Variants in OR51B5 observed in about 807,000 individuals in gnomAD.
The protein encoded by OR51B5 is olfactory receptor 51B5.
For synonymous variants in OR51B5, 186 were observed against 144.8 expected (o/e 1.28, Z -2.04); for missense variants, 456 against 374.6 (o/e 1.22, Z -1.79).
Position 5,368,745 on chromosome 11 carries a change from T to C in OR51B5, n.85-21835A>G, listed in dbSNP as rs978807872. 9.9e-5 allele frequency among the ~76,000 whole-genome samples: 15 copies of C among 152,186 alleles called. 1 individual carries two copies. Among genetic ancestry groups the C allele is most frequent in the Admixed American group, 8.5e-4 (13 of 15,276 alleles). ...AAACATTGAGTTACTCAAAATATTA[T>C]GCTTTAAAACTGAAGGAAGCAAAAC... On this transcript the variant is annotated intron_variant and non_coding_transcript_variant, in intron 1 of 4. Transcript: ENST00000415970.
chr11:5,390,285 C>T (rs1299068544), intron 1 of OR51B5: 2 of 1,613,836 alleles, frequency 1.2e-6, no homozygotes, highest in African/African-American at 1.3e-5. Context: ...CTTTTTGTGC[C>T]TCCCATGCTT....
intron 1 of OR51B5, chr11:5,453,150 C>G (rs2030091): frequency 0.79 from 140,761 of 178,922 alleles, 55,552 homozygotes; most frequent in Admixed American, 0.81. Context: ...TCTATTGAAT[C>G]ATGCCTCCAA....
At chr11:5,375,100 A>T (rs373338809) in intron 1 of OR51B5, among the ~76,000 whole-genome samples, 198 of 150,212 alleles carry the variant, frequency 1.3e-3, no homozygotes, top group African/African-American at 4.6e-3. Context: ...CGGGTTACCC[A>T]CAAAGGGAAG....
At chr11:5,396,185 C>T (rs1849867615) in intron 1 of OR51B5, among the ~76,000 whole-genome samples, 1 of 152,248 alleles carries the variant, frequency 6.6e-6, no homozygotes, top group Non-Finnish European at 1.5e-5. Context: ...TCTCTCACCA[C>T]TCCTATTCAA....
intron 1 of OR51B5, among the ~76,000 whole-genome samples, chr11:5,426,831 A>G (rs1850457901): frequency 6.6e-6 from 1 of 152,192 alleles, no homozygotes; most frequent in Admixed American, 6.5e-5. Context: ...ATTATCTTAA[A>G]ACTCCTTTTC....
intron 1 of OR51B5, among the ~76,000 whole-genome samples, chr11:5,385,194 G>T (rs1458953769): frequency 6.6e-5 from 10 of 152,090 alleles, no homozygotes; most frequent in Non-Finnish European, 1.0e-4. Flanking sequence ...GCTCTGAGTG[G>T]ACTCCTCCAT....
chr11:5,351,056 T>A (rs1238929561), intron 1 of OR51B5, among the ~76,000 whole-genome samples: 1 of 152,226 alleles, frequency 6.6e-6, no homozygotes, highest in Non-Finnish European at 1.5e-5. Flanking sequence ...TCTACTGATC[T>A]TTTAGGTCTC....
chr11:5,419,802 A>G (rs896676545), intron 1 of OR51B5, among the ~76,000 whole-genome samples: 5 of 152,048 alleles, frequency 3.3e-5, no homozygotes, highest in African/African-American at 1.2e-4. Flanking sequence ...AATGGGCATG[A>G]TAATAGCTCC....
chr11:5,462,787 G>T (rs1440624704), intron 1 of OR51B5, among the ~76,000 whole-genome samples: 7 of 152,156 alleles, frequency 4.6e-5, no homozygotes, highest in Non-Finnish European at 8.8e-5. Flanking sequence ...CTACTTGTAG[G>T]TGCTTGTACA....
intron 1 of OR51B5, chr11:5,422,671 G>C (rs774266998): frequency 8.1e-6 from 13 of 1,613,986 alleles, no homozygotes; most frequent in Non-Finnish European, 1.0e-5. Flanking sequence ...GTGTTCTGGC[G>C]GTTCTTCCCT....
intron 1 of OR51B5, among the ~76,000 whole-genome samples, chr11:5,464,618 A>G (rs1010848121): frequency 1.3e-5 from 2 of 151,878 alleles, no homozygotes; most frequent in African/African-American, 4.8e-5. Context: ...ACATGAACTC[A>G]TCATTTTTTA....
intron 1 of OR51B5, among the ~76,000 whole-genome samples, chr11:5,433,779 C>G (rs1850561568): frequency 1.3e-5 from 2 of 151,906 alleles, no homozygotes; most frequent in African/African-American, 4.8e-5. Context: ...CTGCAATGAG[C>G]TATGATTGCA....
chr11:5,342,435 T>TA (rs1848909661), downstream of OR51B5: 3 of 961,216 alleles, frequency 3.1e-6, no homozygotes, highest in South Asian at 2.1e-5. Context: ...GAGTTGGGCT[T>TA]AAAGAGATAC....
At chr11:5,358,411 TTGACAC>T (rs1849227571) in intron 1 of OR51B5, among the ~76,000 whole-genome samples, 1 of 152,176 alleles carries the variant, frequency 6.6e-6, no homozygotes, top group Non-Finnish European at 1.5e-5. Context: ...GATAAATTCC[TTGACAC>T]ATACACCCTC....
At chr11:5,441,495 G>A in intron 1 of OR51B5, 2 of 1,611,876 alleles carry the variant, frequency 1.2e-6, no homozygotes, top group Non-Finnish European at 1.7e-6. Flanking sequence ...CTGGAAGGGG[G>A]TGCCATTGAG....
At chr11:5,480,419 T>C (rs1174260904) in intron 1 of OR51B5, among the ~76,000 whole-genome samples, 3 of 151,258 alleles carry the variant, frequency 2.0e-5, no homozygotes, top group African/African-American at 7.3e-5. Context: ...AGATCCAAAA[T>C]TGACACCCTA....
At chr11:5,372,039 C>G (rs2647611) in intron 1 of OR51B5, among the ~76,000 whole-genome samples, 1 of 151,900 alleles carries the variant, frequency 6.6e-6, no homozygotes, top group African/African-American at 2.4e-5. Flanking sequence ...GCAAAATGTA[C>G]TCTAGGTTTA....
chr11:5,418,605 A>G (rs1472643193), intron 1 of OR51B5, among the ~76,000 whole-genome samples: 1 of 152,038 alleles, frequency 6.6e-6, no homozygotes, highest in Non-Finnish European at 1.5e-5. Context: ...GGAAACCATC[A>G]TTCTCAGCAA....
At chr11:5,486,962 G>A (rs1321878555) in intron 1 of OR51B5, among the ~76,000 whole-genome samples, 4 of 151,932 alleles carry the variant, frequency 2.6e-5, no homozygotes, top group African/African-American at 9.7e-5. Flanking sequence ...CACCTCTTTG[G>A]AGCTAAGATA....
Sources: gnomAD v4.1 joint callset for allele counts (sites outside exome capture counted in the v4.1 genomes callset) on GRCh38, gnomAD v4.1.1 for gene constraint, MANE v1.5 for transcripts, NCBI Gene and HGNC (gene_info 2026-07-23, HGNC 2026-07-21) for gene names.